Variants in SCFD2 observed in about 807,000 individuals in gnomAD.
SCFD2 encodes sec1 family domain containing 2.
Under a neutral mutation model 58.9 loss-of-function variants are expected in SCFD2, and 54 were observed. The observed-to-expected ratio is 0.92, with a 90% CI of 0.74 to 1.15. The LOEUF is 1.15. Ranked by LOEUF, SCFD2 falls within the 50% of genes most tolerant of loss-of-function variation. The pLI is 0.00. For missense variants in SCFD2, 805 were observed against 836.6 expected (o/e 0.96, Z 0.47); for synonymous variants, 321 against 335.9 (o/e 0.96, Z 0.49).
At chr4:52,919,201 C>T (rs756473806) in intron 6 of SCFD2, among the ~76,000 whole-genome samples, 1 of 152,118 alleles carries the variant, frequency 6.6e-6, no homozygotes, top group African/African-American at 2.4e-5. Flanking sequence ...AAATCAGTCA[C>T]CCGGATGACA....
chr4:53,199,736 G>A (rs1473754887), intron 4 of SCFD2, among the ~76,000 whole-genome samples: 1 of 152,086 alleles, frequency 6.6e-6, no homozygotes, highest in Non-Finnish European at 1.5e-5. Flanking sequence ...ACCAGAAAGG[G>A]CATGGAAGCT....
chr4:52,890,520 C>T (rs1223501154), intron 7 of SCFD2, among the ~76,000 whole-genome samples: 1 of 152,168 alleles, frequency 6.6e-6, no homozygotes, highest in Non-Finnish European at 1.5e-5. Context: ...ATAACACATT[C>T]CTTATAATCA....
chr4:53,218,292 G>C (rs1728924387), intron 4 of SCFD2, among the ~76,000 whole-genome samples: 1 of 152,164 alleles, frequency 6.6e-6, no homozygotes, highest in Admixed American at 6.5e-5. Flanking sequence ...ATCAGATGTA[G>C]ATTTGGTCTT....
intron 4 of SCFD2, among the ~76,000 whole-genome samples, chr4:53,255,841 G>T (rs1215539372): frequency 2.0e-5 from 3 of 149,348 alleles, no homozygotes; most frequent in African/African-American, 7.4e-5. Context: ...CGGGCGGGGG[G>T]CTGACCCCCC....
chr4:52,878,744 A>G (rs1236308065), intron 8 of SCFD2, among the ~76,000 whole-genome samples: 1 of 152,232 alleles, frequency 6.6e-6, no homozygotes, highest in Non-Finnish European at 1.5e-5. Context: ...GCACTAGAGA[A>G]TTCCTTTCAG....
chr4:52,940,665 C>T (rs780011075), intron 5 of SCFD2, among the ~76,000 whole-genome samples: 6 of 152,188 alleles, frequency 3.9e-5, no homozygotes, highest in East Asian at 1.9e-4. Context: ...AAGAGTACCC[C>T]TGTGTCCCTA....
intron 5 of SCFD2, among the ~76,000 whole-genome samples, chr4:52,945,396 C>A (rs1183261609): frequency 6.6e-6 from 1 of 152,118 alleles, no homozygotes; most frequent in African/African-American, 2.4e-5. Context: ...TATCCCCAGC[C>A]CACACTTAAG....
intron 3 of SCFD2, among the ~76,000 whole-genome samples, chr4:53,297,226 T>C (rs1732069286): frequency 6.6e-6 from 1 of 152,166 alleles, no homozygotes; most frequent in Non-Finnish European, 1.5e-5. Flanking sequence ...CTGTCTAATA[T>C]TGAAAGCAGC....
chr4:53,067,990 T>C (rs1179546147), intron 5 of SCFD2, among the ~76,000 whole-genome samples: 1 of 152,084 alleles, frequency 6.6e-6, no homozygotes, highest in African/African-American at 2.4e-5. Context: ...TCAGAGTTCT[T>C]AGCAAGTCCT....
rs368471798 is a variant in SCFD2 at position 53,255,466 on chromosome 4, T to C, written c.1311+18360A>G. The stretch of plus-strand genomic sequence containing the variant: ...CTGTTTAACAAAGCACATCTTGCAC[T>C]GCCCTTAATCCATTTAACCCTGAGT... On this transcript the variant is annotated intron_variant, in intron 4 of 8. Coordinates refer to ENST00000401642, the MANE Select transcript of SCFD2 (RefSeq NM_152540.4). Among the ~76,000 whole-genome samples the C allele has an allele frequency of 7.3e-3, 1,111 of 152,164 alleles. 6 individuals carry two copies. Among genetic ancestry groups the C allele is most frequent in the African/African-American group, 0.025 (1,053 of 41,514 alleles).
At chr4:53,093,529 T>A (rs1363172394) in intron 5 of SCFD2, among the ~76,000 whole-genome samples, 4 of 152,160 alleles carry the variant, frequency 2.6e-5, no homozygotes, top group Non-Finnish European at 5.9e-5. Context: ...AAATAATGTA[T>A]CTGGAAGGCT....
At chr4:53,106,771 G>C (rs1396395561) in intron 5 of SCFD2, among the ~76,000 whole-genome samples, 1 of 152,152 alleles carries the variant, frequency 6.6e-6, no homozygotes, top group African/African-American at 2.4e-5. Context: ...GAAAGTGATG[G>C]AGAGAATGAA....
At chr4:53,356,569 C>T (rs1734405859) in intron 1 of SCFD2, among the ~76,000 whole-genome samples, 1 of 151,988 alleles carries the variant, frequency 6.6e-6, no homozygotes, top group Non-Finnish European at 1.5e-5. Flanking sequence ...GGCACTACAG[C>T]ATGCAACACC....
At chr4:53,156,398 C>CA (rs1171962847) in intron 4 of SCFD2, among the ~76,000 whole-genome samples, 26,803 of 99,502 alleles carry the variant, frequency 0.27, 3,196 homozygotes, top group South Asian at 0.34. Context: ...AGACTCAACT[C>CA]AAAAAAAAAA....
intron 4 of SCFD2, among the ~76,000 whole-genome samples, chr4:53,213,443 A>G (rs975946696): frequency 6.6e-6 from 1 of 152,122 alleles, no homozygotes; most frequent in African/African-American, 2.4e-5. Flanking sequence ...TCTGAAATTA[A>G]AACCAGAGTG....
chr4:52,940,506 T>C (rs2109512685), intron 5 of SCFD2, among the ~76,000 whole-genome samples: 1 of 152,264 alleles, frequency 6.6e-6, no homozygotes, highest in South Asian at 2.1e-4. Flanking sequence ...AGTTTGACAA[T>C]CTAACTATAG....
chr4:52,919,359 T>C (rs1418827397), intron 6 of SCFD2, among the ~76,000 whole-genome samples: 1 of 152,222 alleles, frequency 6.6e-6, no homozygotes, highest in Non-Finnish European at 1.5e-5. Context: ...ATTATAGTAT[T>C]TAAGATTGCT....
chr4:52,922,531 G>A (rs1247294398), intron 5 of SCFD2, among the ~76,000 whole-genome samples: 1 of 151,950 alleles, frequency 6.6e-6, no homozygotes, highest in Admixed American at 6.6e-5. Context: ...ATTTCTTATT[G>A]CTTACTAATA....
chr4:53,068,717 A>G (rs1723731703), intron 5 of SCFD2, among the ~76,000 whole-genome samples: 1 of 152,046 alleles, frequency 6.6e-6, no homozygotes, highest in Non-Finnish European at 1.5e-5. Context: ...ATGAATAACC[A>G]TACTTTATTT....
Sources: allele counts gnomAD v4.1 joint callset (sites outside exome capture counted in the v4.1 genomes callset), GRCh38; gene constraint gnomAD v4.1.1; transcripts MANE v1.5; gene names NCBI Gene and HGNC (gene_info 2026-07-23, HGNC 2026-07-21).